Variants in ATP2B2 observed in about 807,000 individuals in gnomAD.
ATP2B2 encodes the protein ATPase plasma membrane Ca2+ transporting 2.
In ATP2B2, 15 loss-of-function variants were observed where a neutral mutation model predicts 120.0. That is an observed-to-expected ratio of 0.12 (90% CI 0.08 to 0.19). ATP2B2 has a LOEUF of 0.19. Ranked by LOEUF, ATP2B2 falls within the 10% of genes least tolerant of loss-of-function variation. The probability of loss-of-function intolerance (pLI) is 1.00; values close to 1 mark genes in which losing one functional copy is unlikely to be tolerated. For missense variants in ATP2B2, 1,045 were observed against 1,719.8 expected (o/e 0.61, Z 6.94); for synonymous variants, 694 against 700.3 (o/e 0.99, Z 0.14).
At chr3:10,370,871 G>T (rs1374638419) in intron 12 of ATP2B2, among the ~76,000 whole-genome samples, 1 of 152,200 alleles carries the variant, frequency 6.6e-6, no homozygotes, top group African/African-American at 2.4e-5. Flanking sequence ...GATGAAGTTT[G>T]GGTTTCTCTT....
rs2068144216 is a variant in ATP2B2, at chr3:10,572,206, G to T, written c.-414-38073C>A. ...CCCGCTGGCCCATCTGCAGACTTGG[G>T]AGCTAAGCTAAGAAGTGTTTACTGT... On this transcript the variant is annotated intron_variant, in intron 2 of 21. Transcript: ENST00000646379. 2.0e-5 allele frequency among the ~76,000 whole-genome samples: 3 copies of T among 152,322 alleles called. 1 individual carries two copies. In the South Asian group the frequency reaches 6.2e-4, roughly 32 times the overall value.
chr3:10,515,787 G>T (rs988397380), intron 3 of ATP2B2, among the ~76,000 whole-genome samples: 4 of 152,200 alleles, frequency 2.6e-5, no homozygotes, highest in Non-Finnish European at 2.9e-5. Context: ...CTACTTTGGA[G>T]TTGTGTCCTG....
chr3:10,520,257 G>A (rs1222926957), intron 3 of ATP2B2, among the ~76,000 whole-genome samples: 6 of 152,156 alleles, frequency 3.9e-5, no homozygotes. Context: ...TTAGCTCAGG[G>A]GCCTGGAGGG....
At chr3:10,387,788 G>A (rs1326780530) in intron 6 of ATP2B2, 1 of 228,694 alleles carries the variant, frequency 4.4e-6, no homozygotes, top group Non-Finnish European at 8.8e-6. Flanking sequence ...AACTCATAAT[G>A]GTTGATTTGG....
At chr3:10,706,102 C>T (rs909828417) in intron 1 of ATP2B2, among the ~76,000 whole-genome samples, 3 of 152,200 alleles carry the variant, frequency 2.0e-5, no homozygotes, top group African/African-American at 7.2e-5. Context: ...AGCTTGATTT[C>T]CGCTAGCTGT....
chr3:10,634,940 G>A (rs977682853), intron 1 of ATP2B2, among the ~76,000 whole-genome samples: 6 of 152,200 alleles, frequency 3.9e-5, no homozygotes, highest in Admixed American at 3.3e-4. Context: ...TGTGGAACCA[G>A]GGCTTTTGCT....
At chr3:10,687,196 A>G (rs1478228634) in intron 1 of ATP2B2, among the ~76,000 whole-genome samples, 1 of 152,228 alleles carries the variant, frequency 6.6e-6, no homozygotes, top group Non-Finnish European at 1.5e-5. Context: ...TGCCTTGGGT[A>G]GCCACTTAAC....
intron 2 of ATP2B2, among the ~76,000 whole-genome samples, chr3:10,543,342 A>G (rs1354926628): frequency 6.6e-6 from 1 of 152,208 alleles, no homozygotes; most frequent in Non-Finnish European, 1.5e-5. Context: ...GTAGTGTCAA[A>G]GAAAAGTATC....
chr3:10,336,136 TGCA>T (rs777510523), intron 22 of ATP2B2: 32 of 1,550,378 alleles, frequency 2.1e-5, no homozygotes, highest in Non-Finnish European at 2.8e-5. Flanking sequence ...CACGCCCGGC[TGCA>T]GCAGGAGGAA....
intron 2 of ATP2B2, among the ~76,000 whole-genome samples, chr3:10,546,518 C>A (rs536531463): frequency 6.6e-6 from 1 of 152,350 alleles, no homozygotes; most frequent in East Asian, 1.9e-4. Flanking sequence ...CTCCACCCCG[C>A]TGGGGCCACT....
At chr3:10,487,171 T>G (rs2125344615) in intron 1 of ATP2B2, among the ~76,000 whole-genome samples, 1 of 152,308 alleles carries the variant, frequency 6.6e-6, no homozygotes, top group East Asian at 1.9e-4. Flanking sequence ...GTACTGAGCC[T>G]GAAACATGCT....
At chr3:10,403,184 A>AGCTCCT (rs1262112552) in intron 3 of ATP2B2, among the ~76,000 whole-genome samples, 3 of 152,190 alleles carry the variant, frequency 2.0e-5, no homozygotes, top group Non-Finnish European at 4.4e-5. Context: ...AGGGAGAGGA[A>AGCTCCT]GGTGGAAGCT....
rs190259262 is a variant in ATP2B2, at chr3:10,432,714, A to G, written c.199+16631T>C. The stretch of plus-strand genomic sequence containing the variant: ...CAGGGGCATGTCTTCACTAGCTTAG[A>G]TCATAGCCCCTCTGGGCTTAGGGCT... On this transcript the variant is annotated intron_variant, in intron 2 of 22. Coordinates refer to ENST00000360273, the MANE Select transcript of ATP2B2 (RefSeq NM_001001331.4). 1.5e-4 allele frequency among the ~76,000 whole-genome samples: 23 copies of G among 152,328 alleles called. No homozygotes were observed. In the East Asian group the frequency reaches 4.4e-3, roughly 29 times the overall value.
At chr3:10,533,874 C>T (rs2067257773) in intron 3 of ATP2B2, among the ~76,000 whole-genome samples, 1 of 152,220 alleles carries the variant, frequency 6.6e-6, no homozygotes, top group African/African-American at 2.4e-5. Context: ...CAAACCAGCC[C>T]AATGTTGCAT....
In ATP2B2 at chr3:10,470,043, G is replaced by A. The variant is rs988449412; in HGVS notation, c.-319-20181C>T. On this transcript the variant is annotated intron_variant, in intron 1 of 22. Coordinates refer to ENST00000360273, the MANE Select transcript of ATP2B2 (RefSeq NM_001001331.4). ...CTTAAGATAGGCAGATCTCAGCGCTGGGCAGGGCCTGAGTGGTCCTGTGGT... is the reference window on the plus strand; with the variant it reads ...CTTAAGATAGGCAGATCTCAGCGCTAGGCAGGGCCTGAGTGGTCCTGTGGT... Among the ~76,000 whole-genome samples the A allele has an allele frequency of 2.6e-5, 4 of 152,104 alleles. No individual in the cohort carries two copies. The East Asian group carries it at 7.7e-4, about 29-fold the overall frequency.
chr3:10,662,978 A>G (rs1010515881), intron 1 of ATP2B2, among the ~76,000 whole-genome samples: 9 of 151,880 alleles, frequency 5.9e-5, no homozygotes, highest in Non-Finnish European at 1.0e-4. Flanking sequence ...CATTCTCAGC[A>G]AAGTATCACA....
In ATP2B2 at chr3:10,411,698, G is replaced by A. The variant is rs538202574; in HGVS notation, c.200-883C>T. On this transcript the variant is annotated intron_variant, in intron 2 of 22. Transcript: ENST00000360273. ...GAGCACCTACCAAGTGCCTGGCACT[G>A]TTGCAGACACTGGAACAGAGCAGCT... Among the ~76,000 whole-genome samples the A allele has an allele frequency of 5.9e-5, 9 of 152,358 alleles. No individual in the cohort carries two copies. In the East Asian group the frequency reaches 1.7e-3, roughly 29 times the overall value.
At chr3:10,501,373 GT>G (rs71626976) in intron 1 of ATP2B2, among the ~76,000 whole-genome samples, 180 of 143,766 alleles carry the variant, frequency 1.3e-3, no homozygotes, top group African/African-American at 2.1e-3. Flanking sequence ...TTTTTAAACG[GT>G]TTTTTTTTTT....
chr3:10,532,606 G>A (rs954687169), intron 3 of ATP2B2, among the ~76,000 whole-genome samples: 1 of 152,180 alleles, frequency 6.6e-6, no homozygotes, highest in Non-Finnish European at 1.5e-5. Context: ...TTTCTGTTCT[G>A]TATTATGGGT....
Sources: gnomAD v4.1 joint callset for allele counts (sites outside exome capture counted in the v4.1 genomes callset) on GRCh38, gnomAD v4.1.1 for gene constraint, MANE v1.5 for transcripts, NCBI Gene and HGNC (gene_info 2026-07-23, HGNC 2026-07-21) for gene names.